Variants in RNF144B observed in about 807,000 individuals in gnomAD.
The protein encoded by RNF144B is ring finger protein 144B.
A neutral mutation model predicts 40.2 loss-of-function variants in RNF144B; 25 were observed. The observed-to-expected ratio is 0.62, with a 90% CI of 0.45 to 0.87. The LOEUF is 0.87. Ranked by LOEUF, RNF144B falls within the 40% of genes least tolerant of loss-of-function variation. The pLI, the probability that RNF144B is intolerant of heterozygous loss-of-function variation, is 0.00. For synonymous variants in RNF144B, 145 were observed against 136.3 expected (o/e 1.06, Z -0.44); for missense variants, 365 against 373.7 (o/e 0.98, Z 0.19).
At chr6:18,407,114 G>C (rs1400875393) in intron 2 of RNF144B, among the ~76,000 whole-genome samples, 6 of 152,090 alleles carry the variant, frequency 3.9e-5, no homozygotes. Context: ...TTTGGGTGGG[G>C]ACACAGAGCC....
chr6:18,453,851 T>A (rs537371585), intron 4 of RNF144B, among the ~76,000 whole-genome samples: 66 of 152,318 alleles, frequency 4.3e-4, no homozygotes, highest in African/African-American at 1.4e-3. Flanking sequence ...ACTTGCTTGC[T>A]ATTACCAGAA....
chr6:18,421,267 ATAT>A (rs1203833530), intron 2 of RNF144B, among the ~76,000 whole-genome samples: 7 of 130,150 alleles, frequency 5.4e-5, no homozygotes, highest in South Asian at 2.6e-4. Context: ...AAAAAATTAT[ATAT>A]TATACACACA....
rs1758539282 is a variant in RNF144B at position 18,425,948 on chromosome 6, T to C, written c.166-1633T>C. On this transcript the variant is annotated intron_variant, in intron 2 of 7. Coordinates refer to ENST00000259939, the MANE Select transcript of RNF144B (RefSeq NM_182757.4). The surrounding 1 kb of genome is among the most constrained non-coding windows in gnomAD (Gnocchi z 4.2). The stretch of plus-strand genomic sequence containing the variant: ...TGAAGAGATACAAGTCTGGTTTAAA[T>C]GGTTTGCCCTAGTCATTGATTCATC... Among the ~76,000 whole-genome samples, 2 of 152,350 alleles carry C rather than the reference T, an allele frequency of 1.3e-5. No homozygotes were observed. The highest frequency in any genetic ancestry group is 4.1e-4 in the South Asian group (2 of 4,834).
At chr6:18,432,471 A>C (rs1758715331) in intron 3 of RNF144B, among the ~76,000 whole-genome samples, 1 of 152,224 alleles carries the variant, frequency 6.6e-6, no homozygotes, top group African/African-American at 2.4e-5. Flanking sequence ...GAGCTTTTCC[A>C]ATGTACTTGA....
rs574420696 is a variant in RNF144B at position 18,458,237 on chromosome 6, C to T, written c.536+878C>T. Reference sequence around the variant, plus strand: ...ACAGACATAAGCCACCACACTTGGGCGATACAGAGGGTTTTTATGGCAACA... The same window carrying T: ...ACAGACATAAGCCACCACACTTGGGTGATACAGAGGGTTTTTATGGCAACA... On this transcript the variant is annotated intron_variant, in intron 5 of 7. Coordinates refer to ENST00000259939, the MANE Select transcript of RNF144B (RefSeq NM_182757.4). This position sits in a 1 kb window ranked among gnomAD's most constrained non-coding sequence, Gnocchi z 4.8. Among the ~76,000 whole-genome samples the T allele has an allele frequency of 1.3e-4, 20 of 152,242 alleles. 1 individual carries two copies. The South Asian group carries it at 3.7e-3, about 28-fold the overall frequency.
rs1320508744 is a variant in RNF144B at position 18,460,406 on chromosome 6, C to T, written c.681+655C>T. On this transcript the variant is annotated intron_variant, in intron 6 of 7. Coordinates refer to ENST00000259939, the MANE Select transcript of RNF144B (RefSeq NM_182757.4). This position sits in a 1 kb window ranked among gnomAD's most constrained non-coding sequence, Gnocchi z 4.4. Reference sequence around the variant, plus strand: ...TAATGTAGGATAATCTCCTTTATCTCAAGGTTCTTAATTTAATCACACTTG... The same window carrying T: ...TAATGTAGGATAATCTCCTTTATCTTAAGGTTCTTAATTTAATCACACTTG... 6.6e-6 allele frequency among the ~76,000 whole-genome samples: 1 copy of T among 152,144 alleles called. No individual in the cohort carries two copies. The highest frequency in any genetic ancestry group is 1.9e-4 in the East Asian group (1 of 5,190).
chr6:18,396,875 A>G, intron 1 of RNF144B: 3 of 967,940 alleles, frequency 3.1e-6, no homozygotes, highest in Non-Finnish European at 2.5e-6. Flanking sequence ...GATTTTTTAC[A>G]AAAACTCAAA....
chr6:18,452,230 T>A (rs183929676), intron 4 of RNF144B, among the ~76,000 whole-genome samples: 14 of 152,266 alleles, frequency 9.2e-5, no homozygotes, highest in African/African-American at 3.4e-4. Context: ...CCTCACTGTT[T>A]CAGGTAAGTT....
chr6:18,438,795 A>G (rs1157231807), intron 3 of RNF144B, among the ~76,000 whole-genome samples: 2 of 152,160 alleles, frequency 1.3e-5, no homozygotes, highest in Non-Finnish European at 2.9e-5. Flanking sequence ...TCTGTCCTGT[A>G]TGAACTTACT....
chr6:18,452,351 C>T (rs188876493), intron 4 of RNF144B, among the ~76,000 whole-genome samples: 1 of 152,190 alleles, frequency 6.6e-6, no homozygotes, highest in African/African-American at 2.4e-5. Context: ...GCTCCTTCCC[C>T]CAAATTAAGG....
At position 18,427,500 on chromosome 6, in the gene RNF144B, A is replaced by T. The variant is rs1758585533; in HGVS notation, c.166-81A>T. Reference sequence around the variant, plus strand: ...CCTCAGGACAGCCAATTAAGGAAGAAGACACAGTGGTGGTTCTGTTATGTA... The same window carrying T: ...CCTCAGGACAGCCAATTAAGGAAGATGACACAGTGGTGGTTCTGTTATGTA... On this transcript the variant is annotated intron_variant, in intron 2 of 7. Transcript: ENST00000259939. 1.0e-5 allele frequency: 9 copies of T among 869,172 alleles called. No homozygotes were observed. The South Asian group carries it at 1.4e-4, about 14-fold the overall frequency. The allele number at this position is 869,172 out of a possible 1,614,324, so 53.8% of individuals were successfully genotyped here. A position where few individuals can be genotyped will look rare whatever the true frequency, so the allele number is the denominator to read the frequency against.
chr6:18,441,355 G>T lies in RNF144B; in HGVS notation c.331+1611G>T, dbSNP rs1410376198. On this transcript the variant is annotated intron_variant, in intron 4 of 7. Coordinates refer to ENST00000259939, the MANE Select transcript of RNF144B (RefSeq NM_182757.4). This position sits in a 1 kb window ranked among gnomAD's most constrained non-coding sequence, Gnocchi z 4.9. ...CTACAGAGTTAGGTTGGATTTTCAG[G>T]CTGCTGCTTAAATGGTGAGATATGA... Among the ~76,000 whole-genome samples the T allele has an allele frequency of 1.3e-5, 2 of 152,078 alleles. No homozygotes were observed. Among genetic ancestry groups the T allele is most frequent in the African/African-American group, 2.4e-5 (1 of 41,408 alleles).
intron 2 of RNF144B, among the ~76,000 whole-genome samples, chr6:18,420,637 C>T (rs1050192101): frequency 4.6e-5 from 7 of 151,922 alleles, no homozygotes; most frequent in Non-Finnish European, 7.4e-5. Context: ...ATTTGGGGAG[C>T]GGGGGAGGTT....
At chr6:18,452,009 T>C (rs1759219068) in intron 4 of RNF144B, among the ~76,000 whole-genome samples, 1 of 152,018 alleles carries the variant, frequency 6.6e-6, no homozygotes, top group South Asian at 2.1e-4. Flanking sequence ...ATAACATACT[T>C]TCAACACCAG....
rs754320573 is a variant in RNF144B at position 18,443,242 on chromosome 6, CT to C, written c.331+3499del. ...ACGTAACAGGCCCAGAGGCAATTTCCTCTTAAGTGATTTTGTTTTTGTTTTG... is the reference window on the plus strand; with the variant it reads ...ACGTAACAGGCCCAGAGGCAATTTCCCTTAAGTGATTTTGTTTTTGTTTTG... On this transcript the variant is annotated intron_variant, in intron 4 of 7. Transcript: ENST00000259939. This position sits in a 1 kb window ranked among gnomAD's most constrained non-coding sequence, Gnocchi z 4.7. Among the ~76,000 whole-genome samples, 4 of 152,192 alleles carry C rather than the reference CT, an allele frequency of 2.6e-5. No homozygotes were observed. Among genetic ancestry groups the C allele is most frequent in the South Asian group, 2.1e-4 (1 of 4,826 alleles).
At position 18,447,761 on chromosome 6, in the gene RNF144B, A is replaced by G. The variant is rs943325609; in HGVS notation, c.331+8017A>G. On this transcript the variant is annotated intron_variant, in intron 4 of 7. Coordinates refer to ENST00000259939, the MANE Select transcript of RNF144B (RefSeq NM_182757.4). This position sits in a 1 kb window ranked among gnomAD's most constrained non-coding sequence, Gnocchi z 5.6. ...ATAAACTTTGGAATCGTCAGCATAG[A>G]GGTCAGGTTTAAAGCTGTGACACTG... Among the ~76,000 whole-genome samples, 17 of 152,212 alleles carry G rather than the reference A, an allele frequency of 1.1e-4. No homozygotes were observed. The highest frequency in any genetic ancestry group is 3.6e-4 in the African/African-American group (15 of 41,458).
At position 18,459,708 on chromosome 6, in the gene RNF144B, A is replaced by C. The variant is rs1759411018; in HGVS notation, c.638A>C (p.Asn213Thr). Reference sequence around the variant, plus strand: ...GGCTGCGCTCAGATGATGTGCAAAAACTGCAAGCATACATTTTGCTGGTAC... The same window carrying C: ...GGCTGCGCTCAGATGATGTGCAAAACCTGCAAGCATACATTTTGCTGGTAC... ...NEGCAQMMCK[N>T]CKHTFCWYCL... The change falls in exon 6 of 8, where the codon AAC becomes ACC. Residue 213 changes from asparagine to threonine, a missense_variant. Asn to Thr is a moderately conservative substitution (Grantham distance 65). Coordinates refer to ENST00000259939, the MANE Select transcript of RNF144B (RefSeq NM_182757.4). This position sits in a 1 kb window ranked among gnomAD's most constrained non-coding sequence, Gnocchi z 4.2. The C allele has an allele frequency of 6.2e-7, 1 of 1,614,018 alleles. No individual in the cohort carries two copies. Among genetic ancestry groups the C allele is most frequent in the African/African-American group, 1.3e-5 (1 of 74,910 alleles).
In RNF144B at chr6:18,418,846, C is replaced by T. The variant is rs557716850; in HGVS notation, c.166-8735C>T. Among the ~76,000 whole-genome samples the T allele has an allele frequency of 4.6e-5, 7 of 151,852 alleles. No individual in the cohort carries two copies. Among genetic ancestry groups the T allele is most frequent in the African/African-American group, 1.7e-4 (7 of 41,442 alleles). On this transcript the variant is annotated intron_variant, in intron 2 of 7. Coordinates refer to ENST00000259939, the MANE Select transcript of RNF144B (RefSeq NM_182757.4). This position sits in a 1 kb window ranked among gnomAD's most constrained non-coding sequence, Gnocchi z 5.2. ...CTATATATATAATATACACTGACAC[C>T]TGGATCCTTCTCTTAGAGAGTCTGA...
chr6:18,449,468 T>C (rs923704315), intron 4 of RNF144B, among the ~76,000 whole-genome samples: 10 of 152,106 alleles, frequency 6.6e-5, no homozygotes, highest in Admixed American at 4.6e-4. Context: ...CAATAATACA[T>C]AGACAAGAGA....
Sources: gnomAD v4.1 joint callset for allele counts (sites outside exome capture counted in the v4.1 genomes callset) on GRCh38, gnomAD v4.1.1 for gene constraint, Gnocchi (gnomAD v3.1) non-coding constraint, MANE v1.5 for transcripts, NCBI Gene and HGNC (gene_info 2026-07-23, HGNC 2026-07-21) for gene names.